Variants in DEGS1 observed in about 807,000 individuals in gnomAD.
DEGS1 encodes sphingolipid delta(4)-desaturase DES1.
A neutral mutation model predicts 24.1 loss-of-function variants in DEGS1; 17 were observed. The observed-to-expected ratio is 0.70, with a 90% CI of 0.48 to 1.06. The LOEUF (loss-of-function observed/expected upper bound fraction) is 1.06, where lower values mean the gene tolerates loss of function less well. Ranked by LOEUF, DEGS1 falls within the 50% of genes least tolerant of loss-of-function variation. DEGS1 has a pLI of 0.00. For missense variants in DEGS1, 366 were observed against 408.9 expected (o/e 0.90, Z 0.91); for synonymous variants, 134 against 140.0 (o/e 0.96, Z 0.30).
chr1:224,184,970 TACACACACACACACACACAC>T (rs58790626), intron 1 of DEGS1, among the ~76,000 whole-genome samples: 1 of 148,582 alleles, frequency 6.7e-6, no homozygotes, highest in Non-Finnish European at 1.5e-5. Flanking sequence ...GCCCCCCGTT[TACACACACACACACACACAC>T]ACACACACAC....
At position 224,183,413 on chromosome 1, in the gene DEGS1, T is replaced by C; in HGVS notation, c.77T>C (p.Ile26Thr). 1 of 1,420,112 alleles carries C rather than the reference T, an allele frequency of 7.0e-7. No homozygotes were observed. The highest frequency in any genetic ancestry group is 9.3e-7 in the Non-Finnish European group (1 of 1,076,806). 88.0% of individuals were successfully genotyped at this position (1,420,112 alleles called of 1,614,324 possible). A position where few individuals can be genotyped will look rare whatever the true frequency, so the allele number is the denominator to read the frequency against. ...CCGCACGCCGACCGGCGCCGGGAGA[T>C]CCTGGGTGAGGGCCAGCGGGCGCCC... ...DQPHADRRRE[I>T]LAKYPEIKSL... The change falls in exon 1 of 3, where the codon ATC becomes ACC. Residue 26 changes from isoleucine to threonine, a missense_variant. Coordinates refer to ENST00000323699, the MANE Select transcript of DEGS1 (RefSeq NM_003676.4).
chr1:224,190,369 GT>G, intron 2 of DEGS1, 50 bp downstream of exon 2: 2 of 1,437,948 alleles, frequency 1.4e-6, no homozygotes, highest in Non-Finnish European at 1.8e-6. Context: ...TCATTTGTTT[GT>G]TTTTTGAGAC....
At chr1:224,188,629 C>T (rs1658454527) in intron 1 of DEGS1, among the ~76,000 whole-genome samples, 2 of 152,112 alleles carry the variant, frequency 1.3e-5, no homozygotes. Context: ...TGTTTCTTGA[C>T]TGTTTCCGTA....
chr1:224,189,770 C>T lies in DEGS1; in HGVS notation c.276C>T (p.Ala92=), dbSNP rs1408069756. The T allele has an allele frequency of 1.2e-6, 2 of 1,614,060 alleles. No individual in the cohort carries two copies. Among genetic ancestry groups the T allele is most frequent in the African/African-American group, 2.7e-5 (2 of 74,926 alleles). The change falls in exon 2 of 3, where the codon GCC becomes GCT. Residue 92 remains alanine (A), a synonymous_variant. Transcript: ENST00000323699. ...HSMTLAIHEI[A]HNAAFGNCKA... ...TGACTCTGGCTATTCATGAGATTGC[C>T]CACAATGCTGCCTTTGGCAACTGCA...
Position 224,192,661 on chromosome 1 carries a change from A to G in DEGS1, c.*183A>G, listed in dbSNP as rs1242005637. The G allele has an allele frequency of 1.5e-5, 8 of 547,140 alleles. No homozygotes were observed. Among genetic ancestry groups the G allele is most frequent in the Non-Finnish European group, 2.5e-5 (8 of 318,872 alleles). 33.9% of individuals were successfully genotyped at this position (547,140 alleles called of 1,614,324 possible). A position where few individuals can be genotyped will look rare whatever the true frequency, so the allele number is the denominator to read the frequency against. ...CAGTCAGCCTGACTCTGTACTGCTC[A>G]GTTTCACTCACAGGAAACTTGTGAC... On this transcript the variant is annotated 3_prime_UTR_variant, in exon 3 of 3. Transcript: ENST00000323699.
intron 2 of DEGS1, chr1:224,190,989 T>G (rs1658522364): frequency 6.6e-6 from 1 of 152,164 alleles, no homozygotes; most frequent in South Asian, 2.1e-4. Context: ...CCCAAGTAGC[T>G]AGGACTACAG....
Position 224,192,527 on chromosome 1 carries a change from A to T in DEGS1, c.*49A>T. 6.4e-7 allele frequency: 1 copy of T among 1,571,788 alleles called. No homozygotes were observed. The highest frequency in any genetic ancestry group is 8.6e-7 in the Non-Finnish European group (1 of 1,160,642). ...CTTCTCCAAAACTTTAGATGATAAAATGGAATTTTTGCATTATTAAACTTG... is the reference window on the plus strand; with the variant it reads ...CTTCTCCAAAACTTTAGATGATAAATTGGAATTTTTGCATTATTAAACTTG... On this transcript the variant is annotated 3_prime_UTR_variant, in exon 3 of 3. Coordinates refer to ENST00000323699, the MANE Select transcript of DEGS1 (RefSeq NM_003676.4).
intron 1 of DEGS1, chr1:224,183,756 T>G: frequency 4.9e-6 from 1 of 202,060 alleles, no homozygotes; most frequent in Non-Finnish European, 1.0e-5. Context: ...AGTAGATCTT[T>G]TCGCTAGAAG....
At chr1:224,184,400 C>G (rs529876511) in intron 1 of DEGS1, among the ~76,000 whole-genome samples, 1 of 152,130 alleles carries the variant, frequency 6.6e-6, no homozygotes, top group Non-Finnish European at 1.5e-5. Context: ...AATAAGAACG[C>G]GTGACTAAAT....
rs1024972708 is a variant in DEGS1 at position 224,192,787 on chromosome 1, C to T, written c.*309C>T. 3.7e-5 allele frequency: 10 copies of T among 268,460 alleles called. No homozygotes were observed. Among genetic ancestry groups the T allele is most frequent in the African/African-American group, 2.3e-4 (10 of 42,620 alleles). The allele number at this position is 268,460 out of a possible 1,614,324, so 16.6% of individuals were successfully genotyped here. A position where few individuals can be genotyped will look rare whatever the true frequency, so the allele number is the denominator to read the frequency against. ...AAAGCTATTTCGCCAGGCACGGTGG[C>T]TCATGCCTATAATCCCAGCACTTTG... On this transcript the variant is annotated 3_prime_UTR_variant, in exon 3 of 3. Transcript: ENST00000323699.
At chr1:224,188,847 C>A (rs1300738645) in intron 1 of DEGS1, among the ~76,000 whole-genome samples, 1 of 152,034 alleles carries the variant, frequency 6.6e-6, no homozygotes, top group African/African-American at 2.4e-5. Flanking sequence ...TCTCTGTTTT[C>A]TTTTGTCACT....
rs958345972 is a variant in DEGS1 at position 224,193,020 on chromosome 1, A to G, written c.*542A>G. The G allele has an allele frequency of 6.6e-6, 1 of 152,428 alleles. No individual in the cohort carries two copies. Among genetic ancestry groups the G allele is most frequent in the East Asian group, 1.9e-4 (1 of 5,206 alleles). 9.4% of individuals were successfully genotyped at this position (152,428 alleles called of 1,614,324 possible). On this transcript the variant is annotated 3_prime_UTR_variant, in exon 3 of 3. Coordinates refer to ENST00000323699, the MANE Select transcript of DEGS1 (RefSeq NM_003676.4). ...GGCTGCAGTGACCCAAGATTGTGCC[A>G]CTGCACTCCACCCTGGGCAACAGAG...
chr1:224,191,105 T>C (rs909126269), intron 2 of DEGS1: 1 of 152,152 alleles, frequency 6.6e-6, no homozygotes, highest in African/African-American at 2.4e-5. Context: ...TGGAGTTTCC[T>C]GGATGGGTGC....
rs759023173 is a variant in DEGS1 at position 224,190,253 on chromosome 1, C to G, written c.759C>G (p.Thr253=). 2 of 1,513,848 alleles carry G rather than the reference C, an allele frequency of 1.3e-6. No homozygotes were observed. The highest frequency in any genetic ancestry group is 2.3e-5 in the Admixed American group (1 of 42,862). The allele number at this position is 1,513,848 out of a possible 1,614,324, so 93.8% of individuals were successfully genotyped here. The part of the protein sequence containing the change: ...YSYYGPLNLL[T]FNVGYHNEHH... Reference sequence around the variant, plus strand: ...ATTATGGGCCTCTGAATTTACTTACCTTCAATGTGGGTTATCATAATGAAC... The same window carrying G: ...ATTATGGGCCTCTGAATTTACTTACGTTCAATGTGGGTTATCATAATGAAC... The change falls in exon 2 of 3, where the codon ACC becomes ACG. Residue 253 remains threonine, a synonymous_variant. Coordinates refer to ENST00000323699, the MANE Select transcript of DEGS1 (RefSeq NM_003676.4).
rs776217343 is a variant in DEGS1, at chr1:224,190,240, T to C, written c.746T>C (p.Leu249Pro). 1 of 1,516,238 alleles carries C rather than the reference T, an allele frequency of 6.6e-7. No homozygotes were observed. The highest frequency in any genetic ancestry group is 8.8e-7 in the Non-Finnish European group (1 of 1,135,566). The allele number at this position is 1,516,238 out of a possible 1,614,324, so 93.9% of individuals were successfully genotyped here. A position where few individuals can be genotyped will look rare whatever the true frequency, so the allele number is the denominator to read the frequency against. The change falls in exon 2 of 3, where the codon CTG becomes CCG. Residue 249 changes from leucine (L) to proline (P), a missense_variant. By Grantham distance (98) the Leu-to-Pro change is moderately conservative (BLOSUM62 -3). Transcript: ENST00000323699. ...GHETYSYYGP[L>P]NLLTFNVGYH... ...GAAACTTACTCATATTATGGGCCTC[T>C]GAATTTACTTACCTTCAATGTGGGT... is the stretch of plus-strand genomic sequence containing the variant.
Position 224,189,583 on chromosome 1 carries a change from A to G in DEGS1, c.89A>G (p.Tyr30Cys). ...TTTTGTTTTTTCTTTACAGCAAAGT[A>G]TCCAGAGATAAAGTCCTTGATGAAA... is the stretch of plus-strand genomic sequence containing the variant. ...ADRRREILAK[Y>C]PEIKSLMKPD... is the part of the protein sequence containing the mutation. The change falls in exon 2 of 3, where the codon TAT (tyrosine) becomes TGT (cysteine). Residue 30 changes from tyrosine to cysteine, a missense_variant. Physicochemically the swap from Tyr to Cys is radical, Grantham distance 194. Transcript: ENST00000323699. 1 of 1,582,854 alleles carries G rather than the reference A, an allele frequency of 6.3e-7. No homozygotes were observed. The highest frequency in any genetic ancestry group is 1.4e-5 in the African/African-American group (1 of 73,420).
chr1:224,186,731 AAAAG>A (rs1295185966), intron 1 of DEGS1, among the ~76,000 whole-genome samples: 5 of 151,646 alleles, frequency 3.3e-5, no homozygotes, highest in Non-Finnish European at 5.9e-5. Flanking sequence ...AAAAAAAAAA[AAAAG>A]AAGGACTACA....
At chr1:224,186,421 A>C (rs1482333159) in intron 1 of DEGS1, among the ~76,000 whole-genome samples, 1 of 152,126 alleles carries the variant, frequency 6.6e-6, no homozygotes. Context: ...TAAAAGGACC[A>C]CATATTTCTT....
In DEGS1 at chr1:224,188,027, T is replaced by C. The variant is rs1658439505; in HGVS notation, c.83-1550T>C. ...CCAGGCTGATCTTGAATTCCTGGGC[T>C]CAAGTGATCCTCCTGCCTTGGCCTC... On this transcript the variant is annotated intron_variant, in intron 1 of 2. Transcript: ENST00000323699. Among the ~76,000 whole-genome samples the C allele has an allele frequency of 2.6e-5, 4 of 151,886 alleles. No individual in the cohort carries two copies. The South Asian group carries it at 6.2e-4, about 24-fold the overall frequency.
Sources: allele counts gnomAD v4.1 joint callset (sites outside exome capture counted in the v4.1 genomes callset), GRCh38; gene constraint gnomAD v4.1.1; transcripts MANE v1.5; gene names NCBI Gene and HGNC (gene_info 2026-07-23, HGNC 2026-07-21).